PTPN4: variants seen among roughly 807,000 people sequenced by gnomAD.
PTPN4 encodes the protein tyrosine-protein phosphatase non-receptor type 4.
A neutral mutation model predicts 135.5 loss-of-function variants in PTPN4; 49 were observed. That is an observed-to-expected ratio of 0.36 (90% CI 0.29 to 0.46). The LOEUF (loss-of-function observed/expected upper bound fraction) is 0.46, where lower values mean the gene tolerates loss of function less well. Among genes scored for constraint, PTPN4 ranks in the 20% least tolerant of loss-of-function variants. The pLI is 1.00. For synonymous variants in PTPN4, 333 were observed against 369.9 expected (o/e 0.90, Z 1.14); for missense variants, 860 against 1,101.0 (o/e 0.78, Z 3.10).
intron 10 of PTPN4, among the ~76,000 whole-genome samples, chr2:119,904,425 T>C (rs1432813277): frequency 2.0e-5 from 3 of 152,150 alleles, no homozygotes; most frequent in African/African-American, 7.2e-5. Context: ...AGCCAAATAT[T>C]TGAATTTTGA....
Position 119,877,359 on chromosome 2 carries a change from C to G in PTPN4, c.283C>G (p.Leu95Val). The G allele has an allele frequency of 6.2e-7, 1 of 1,612,188 alleles. No individual in the cohort carries two copies. Among genetic ancestry groups the G allele is most frequent in the Non-Finnish European group, 8.5e-7 (1 of 1,179,398 alleles). ...TCCAAACAAACCAATAAGGAAGCAG[C>G]TAAAGAGTGAGCATACATATTTACT... The part of the protein sequence containing the change: ...LDPNKPIRKQ[L>V]KRGSPYSLNF... Residue 95 changes from leucine (L) to valine (V), a missense_variant, in exon 4 of 27, where the codon CTA (leucine) becomes GTA (valine). Coordinates refer to ENST00000263708, the MANE Select transcript of PTPN4 (RefSeq NM_002830.4).
intron 1 of PTPN4, among the ~76,000 whole-genome samples, chr2:119,802,682 T>C (rs1449991110): frequency 6.6e-6 from 1 of 152,210 alleles, no homozygotes; most frequent in Non-Finnish European, 1.5e-5. Context: ...TAGTTTTCTT[T>C]ATGTTTTTGT....
At chr2:119,801,629 T>G (rs949424808) in intron 1 of PTPN4, among the ~76,000 whole-genome samples, 1 of 152,198 alleles carries the variant, frequency 6.6e-6, no homozygotes, top group Admixed American at 6.5e-5. Context: ...TTTTGTTAGA[T>G]TTACACCTAA....
In PTPN4 at chr2:119,915,251, G is replaced by A. The variant is rs1236742603; in HGVS notation, c.828+9G>A. 9 of 1,506,390 alleles carry A rather than the reference G, an allele frequency of 6.0e-6. No individual in the cohort carries two copies. The highest frequency in any genetic ancestry group is 1.3e-5 in the South Asian group (1 of 76,868). The allele number at this position is 1,506,390 out of a possible 1,614,324, so 93.3% of individuals were successfully genotyped here. On this transcript the variant is annotated intron_variant, in intron 11 of 26. Coordinates refer to ENST00000263708, the MANE Select transcript of PTPN4 (RefSeq NM_002830.4). ...AACTTAGAAAAGAATTGGTGAGTACGGATTTAATAATTATTGACATAAATG... is the reference window on the plus strand; with the variant it reads ...AACTTAGAAAAGAATTGGTGAGTACAGATTTAATAATTATTGACATAAATG...
At chr2:119,760,407 C>T in intron 1 of PTPN4, 23 bp downstream of exon 1, 1 of 387,494 alleles carries the variant, frequency 2.6e-6, no homozygotes, top group Non-Finnish European at 4.6e-6. Flanking sequence ...CCGGTCCCCG[C>T]CGGCCTCTCG....
chr2:119,894,590 A>G (rs943209352), intron 9 of PTPN4, among the ~76,000 whole-genome samples: 2 of 152,228 alleles, frequency 1.3e-5, no homozygotes, highest in Non-Finnish European at 2.9e-5. Context: ...GCCTAACTAC[A>G]TTAAAAATAG....
intron 2 of PTPN4, among the ~76,000 whole-genome samples, chr2:119,820,195 T>C (rs897196401): frequency 1.3e-5 from 2 of 152,212 alleles, no homozygotes; most frequent in African/African-American, 4.8e-5. Flanking sequence ...TTTTGACTTA[T>C]TTCATATTCT....
intron 13 of PTPN4, 144 bp from the exon 14 acceptor site, chr2:119,932,280 C>T: frequency 1.4e-6 from 1 of 739,168 alleles, no homozygotes; most frequent in Non-Finnish European, 2.1e-6. Context: ...GGTAAATAGC[C>T]TCTAAATGCA....
chr2:119,818,606 G>C (rs1018574351), intron 2 of PTPN4, among the ~76,000 whole-genome samples: 1 of 152,172 alleles, frequency 6.6e-6, no homozygotes, highest in Non-Finnish European at 1.5e-5. Flanking sequence ...ATGTACAACA[G>C]AGACTATGTG....
chr2:119,964,176 A>G (rs1188032870), intron 24 of PTPN4, among the ~76,000 whole-genome samples: 1 of 152,236 alleles, frequency 6.6e-6, no homozygotes, highest in Non-Finnish European at 1.5e-5. Context: ...TTTATTGAGT[A>G]TATGGTGCCA....
At chr2:119,910,311 C>T (rs890115761) in intron 10 of PTPN4, among the ~76,000 whole-genome samples, 1 of 151,942 alleles carries the variant, frequency 6.6e-6, no homozygotes, top group African/African-American at 2.4e-5. Flanking sequence ...TATAGTGTAA[C>T]CATAACTTTT....
At chr2:119,854,991 TA>T (rs1677654275) in intron 2 of PTPN4, among the ~76,000 whole-genome samples, 1 of 152,204 alleles carries the variant, frequency 6.6e-6, no homozygotes, top group South Asian at 2.1e-4. Context: ...CTGAGGTTTT[TA>T]GTCTGTAGAT....
chr2:119,903,751 A>G (rs1678443541), intron 10 of PTPN4, among the ~76,000 whole-genome samples: 1 of 152,106 alleles, frequency 6.6e-6, no homozygotes, highest in East Asian at 1.9e-4. Flanking sequence ...GACACCATGC[A>G]TACCACCTGG....
chr2:119,900,922 A>T (rs902049193), intron 10 of PTPN4, 116 bp downstream of exon 10: 27 of 556,206 alleles, frequency 4.9e-5, no homozygotes, highest in Non-Finnish European at 7.9e-5. Flanking sequence ...TTGTGAGATA[A>T]ACTTTATACT....
At chr2:119,927,308 A>G (rs1678840015) in intron 13 of PTPN4, among the ~76,000 whole-genome samples, 1 of 151,658 alleles carries the variant, frequency 6.6e-6, no homozygotes, top group Non-Finnish European at 1.5e-5. Flanking sequence ...GATGGGGTTT[A>G]CCATGTCAGC....
Position 119,873,528 on chromosome 2 carries a change from T to C in PTPN4, c.247-3795T>C, listed in dbSNP as rs559604569. 2.0e-5 allele frequency among the ~76,000 whole-genome samples: 3 copies of C among 152,246 alleles called. 1 individual carries two copies. In the South Asian group the frequency reaches 6.2e-4, roughly 32 times the overall value. ...CCAGGGAAAAGAATGGGAAATTGGCTTTGAAAAGATTAGAAACCATGAGTC... is the reference window on the plus strand; with the variant it reads ...CCAGGGAAAAGAATGGGAAATTGGCCTTGAAAAGATTAGAAACCATGAGTC... On this transcript the variant is annotated intron_variant, in intron 3 of 26. Transcript: ENST00000263708.
intron 9 of PTPN4, among the ~76,000 whole-genome samples, chr2:119,898,275 T>G (rs1678353383): frequency 6.6e-6 from 1 of 152,172 alleles, no homozygotes; most frequent in Non-Finnish European, 1.5e-5. Flanking sequence ...TAAGCTAGAC[T>G]TTGGTTTGGT....
chr2:119,944,506 G>A (rs953819466), intron 15 of PTPN4, among the ~76,000 whole-genome samples: 9 of 152,122 alleles, frequency 5.9e-5, no homozygotes, highest in African/African-American at 1.9e-4. Context: ...GCTCTCTAAT[G>A]TTAATTGGAT....
chr2:119,912,157 C>T (rs188040428), intron 10 of PTPN4, among the ~76,000 whole-genome samples: 89 of 152,192 alleles, frequency 5.8e-4, no homozygotes, highest in African/African-American at 1.6e-3. Flanking sequence ...AATAATTAAG[C>T]GGAGTGACAA....
Sources: gnomAD v4.1 joint callset for allele counts (sites outside exome capture counted in the v4.1 genomes callset) on GRCh38, gnomAD v4.1.1 for gene constraint, MANE v1.5 for transcripts, NCBI Gene and HGNC (gene_info 2026-07-23, HGNC 2026-07-21) for gene names.